The following IQGAP2 variants were observed in gnomAD, a reference collection of about 807,000 sequenced individuals.
The protein encoded by IQGAP2 is ras GTPase-activating-like protein IQGAP2.
In IQGAP2, 173 loss-of-function variants were observed where a neutral mutation model predicts 201.3. The ratio of observed to expected loss-of-function variants is 0.86; its 90% CI spans 0.76 to 0.98. IQGAP2 has a LOEUF of 0.98. Among genes scored for constraint, IQGAP2 ranks in the 50% least tolerant of loss-of-function variants. IQGAP2 has a pLI of 0.00. For synonymous variants in IQGAP2, 675 were observed against 673.9 expected, an observed-to-expected ratio of 1.00 and a Z score of -0.03; for missense variants, 1,687 against 1,864.8, an observed-to-expected ratio of 0.90 and a Z score of 1.76.
intron 1 of IQGAP2, among the ~76,000 whole-genome samples, chr5:76,414,976 A>G (rs981222557): frequency 1.1e-4 from 17 of 152,324 alleles, no homozygotes; most frequent in Non-Finnish European, 1.0e-4. Flanking sequence ...TTTCTCTGCT[A>G]AGCAGGACAA....
In IQGAP2 at chr5:76,562,431, C is replaced by T; in HGVS notation, c.182C>T (p.Pro61Leu). The T allele has an allele frequency of 6.2e-7, 1 of 1,613,502 alleles. No homozygotes were observed. The highest frequency in any genetic ancestry group is 8.5e-7 in the Non-Finnish European group (1 of 1,179,680). The change falls in exon 3 of 36, where the codon CCA becomes CTA. Residue 61 changes from proline (P) to leucine (L), a missense_variant. Transcript: ENST00000274364. ...MEVCLVEELP[P>L]TTELEEGLRN... The stretch of plus-strand genomic sequence containing the variant: ...GTTTGCTTAGTTGAAGAATTGCCAC[C>T]AACCACTGAATTGGAAGAAGGGCTC...
At chr5:76,511,034 G>A (rs538732734) in intron 2 of IQGAP2, among the ~76,000 whole-genome samples, 1 of 152,294 alleles carries the variant, frequency 6.6e-6, no homozygotes, top group South Asian at 2.1e-4. Flanking sequence ...GAACAGAGAT[G>A]GGCTTGCAGA....
At chr5:76,613,389 A>G (rs762090759) in intron 13 of IQGAP2, among the ~76,000 whole-genome samples, 1 of 152,172 alleles carries the variant, frequency 6.6e-6, no homozygotes, top group African/African-American at 2.4e-5. Context: ...CTTTGCCACA[A>G]ATTAGTTATG....
chr5:76,619,729 A>G (rs866348587), intron 13 of IQGAP2, among the ~76,000 whole-genome samples: 30 of 152,174 alleles, frequency 2.0e-4, no homozygotes, highest in Middle Eastern at 6.8e-3. Flanking sequence ...CATGTTAGCC[A>G]GGATGGTCTC....
intron 21 of IQGAP2, chr5:76,660,410 C>T (rs1180304224): frequency 3.3e-5 from 5 of 152,198 alleles, no homozygotes; most frequent in Non-Finnish European, 4.4e-5. Flanking sequence ...TGTTTGACAT[C>T]CATGAGAACT....
chr5:76,631,529 C>T lies in IQGAP2; in HGVS notation c.1613-330C>T, dbSNP rs1269881386. On this transcript the variant is annotated intron_variant, in intron 14 of 35. Coordinates refer to ENST00000274364, the MANE Select transcript of IQGAP2 (RefSeq NM_006633.5). ...TAGTTCTCAAATACATGCTAATGCC[C>T]TAGGTTACAGCTACATATCTATGTT... 2.0e-5 allele frequency among the ~76,000 whole-genome samples: 3 copies of T among 152,164 alleles called. No homozygotes were observed. In the East Asian group the frequency reaches 5.8e-4, roughly 29 times the overall value.
chr5:76,412,791 A>T (rs963149098), intron 1 of IQGAP2, among the ~76,000 whole-genome samples: 1 of 152,192 alleles, frequency 6.6e-6, no homozygotes, highest in African/African-American at 2.4e-5. Context: ...ATGCCATGCA[A>T]ACATTAAATG....
At chr5:76,645,523 C>T (rs963811226) in intron 17 of IQGAP2, among the ~76,000 whole-genome samples, 3 of 152,192 alleles carry the variant, frequency 2.0e-5, no homozygotes, top group African/African-American at 7.2e-5. Context: ...TGTTTCCTGA[C>T]GTTTTAATGA....
At chr5:76,434,719 C>T (rs183785624) in intron 1 of IQGAP2, among the ~76,000 whole-genome samples, 1 of 151,940 alleles carries the variant, frequency 6.6e-6, no homozygotes. Context: ...GGGTAGATAC[C>T]CAGTAGTGGG....
chr5:76,504,014 A>G (rs1757447851), intron 2 of IQGAP2, among the ~76,000 whole-genome samples: 1 of 152,182 alleles, frequency 6.6e-6, no homozygotes, highest in Non-Finnish European at 1.5e-5. Flanking sequence ...ACTTGACCAG[A>G]TTGATAGGCA....
chr5:76,704,678 A>C (rs1214059033), intron 35 of IQGAP2, among the ~76,000 whole-genome samples: 1 of 152,240 alleles, frequency 6.6e-6, no homozygotes, highest in African/African-American at 2.4e-5. Flanking sequence ...ACAGAAGAGA[A>C]TAAAACCCTG....
intron 20 of IQGAP2, among the ~76,000 whole-genome samples, chr5:76,657,017 G>A (rs1434882414): frequency 6.6e-6 from 1 of 152,136 alleles, no homozygotes; most frequent in East Asian, 1.9e-4. Context: ...AGTTGTAGGA[G>A]CAGACTATAA....
intron 5 of IQGAP2, among the ~76,000 whole-genome samples, chr5:76,582,912 T>C (rs1332851443): frequency 6.6e-6 from 1 of 152,250 alleles, no homozygotes; most frequent in East Asian, 1.9e-4. Context: ...CATGGGTCAA[T>C]GAGTCGGTAG....
At chr5:76,559,253 C>T (rs1280385075) in intron 2 of IQGAP2, among the ~76,000 whole-genome samples, 1 of 152,184 alleles carries the variant, frequency 6.6e-6, no homozygotes, top group Non-Finnish European at 1.5e-5. Flanking sequence ...CTTACTGTTT[C>T]CTGGAACTGT....
chr5:76,607,267 G>A (rs913939019), intron 12 of IQGAP2: 7 of 152,134 alleles, frequency 4.6e-5, no homozygotes, highest in African/African-American at 1.4e-4. Context: ...TTAATTAATT[G>A]CATTTGCAAA....
intron 2 of IQGAP2, among the ~76,000 whole-genome samples, chr5:76,479,602 T>G (rs527478272): frequency 4.0e-4 from 61 of 152,164 alleles, no homozygotes; most frequent in African/African-American, 1.4e-3. Flanking sequence ...TCCATTTCAG[T>G]GGGATAGTTT....
intron 5 of IQGAP2, among the ~76,000 whole-genome samples, chr5:76,584,084 G>A (rs944683856): frequency 5.3e-5 from 8 of 152,172 alleles, no homozygotes; most frequent in Non-Finnish European, 1.2e-4. Context: ...TGTTGACCAG[G>A]CTGGTCTCGA....
chr5:76,542,884 T>G (rs571900686), intron 2 of IQGAP2, among the ~76,000 whole-genome samples: 1 of 152,238 alleles, frequency 6.6e-6, no homozygotes, highest in African/African-American at 2.4e-5. Flanking sequence ...GTTTACGTTA[T>G]AGAGAAATCT....
At chr5:76,516,114 A>G (rs1343850854) in intron 2 of IQGAP2, among the ~76,000 whole-genome samples, 9 of 151,990 alleles carry the variant, frequency 5.9e-5, no homozygotes, top group Non-Finnish European at 1.2e-4. Flanking sequence ...GGCTTAAGCA[A>G]TCCTCCCGCC....
Sources: allele counts gnomAD v4.1 joint callset (sites outside exome capture counted in the v4.1 genomes callset), GRCh38; gene constraint gnomAD v4.1.1; transcripts MANE v1.5; gene names NCBI Gene and HGNC (gene_info 2026-07-23, HGNC 2026-07-21).